Variants in ADD3 observed in about 807,000 individuals in gnomAD.
ADD3 encodes gamma-adducin.
Under a neutral mutation model 80.2 loss-of-function variants are expected in ADD3, and 25 were observed. That is an observed-to-expected ratio of 0.31 (90% CI 0.23 to 0.44). ADD3 has a LOEUF of 0.44. Among genes scored for constraint, ADD3 ranks in the 20% least tolerant of loss-of-function variants. The pLI is 1.00. For missense variants in ADD3, 829 were observed against 847.5 expected (o/e 0.98, Z 0.27); for synonymous variants, 284 against 289.6 (o/e 0.98, Z 0.20).
At chr10:110,099,660 C>T (rs1239998643) in intron 1 of ADD3, among the ~76,000 whole-genome samples, 2 of 152,184 alleles carry the variant, frequency 1.3e-5, no homozygotes, top group Non-Finnish European at 2.9e-5. Flanking sequence ...AGTGTTTCAT[C>T]TATTTGTGTC....
intron 5 of ADD3, among the ~76,000 whole-genome samples, chr10:110,117,753 C>T (rs1388433129): frequency 6.6e-6 from 1 of 151,648 alleles, no homozygotes; most frequent in Non-Finnish European, 1.5e-5. Context: ...CAGTGGCTCA[C>T]GCCTGTAATC....
chr10:110,017,506 C>CCCTT (rs1853143029), intron 1 of ADD3, among the ~76,000 whole-genome samples: 3 of 152,152 alleles, frequency 2.0e-5, no homozygotes, highest in Admixed American at 2.0e-4. Flanking sequence ...TTAAAATATA[C>CCCTT]CCTTCATGGG....
chr10:110,076,125 A>G (rs1048788922), intron 1 of ADD3, among the ~76,000 whole-genome samples: 14 of 152,200 alleles, frequency 9.2e-5, no homozygotes, highest in African/African-American at 2.2e-4. Context: ...AGTTTTTTAT[A>G]TGCTTATTTT....
chr10:110,097,381 T>G (rs1848294734), intron 1 of ADD3, among the ~76,000 whole-genome samples: 1 of 152,220 alleles, frequency 6.6e-6, no homozygotes, highest in Non-Finnish European at 1.5e-5. Flanking sequence ...AATATTTTCC[T>G]TTGACTGTGT....
rs1554926923 is a variant in ADD3, at chr10:110,063,737, T to TA, written c.-29-36888_-29-36887insA. Reference sequence around the variant, plus strand: ...TGATGAATATGAATATATATATTCATTATATATATATATATATATATATAT... The same window carrying TA: ...TGATGAATATGAATATATATATTCATATATATATATATATATATATATATAT... On this transcript the variant is annotated intron_variant, in intron 1 of 14. Coordinates refer to ENST00000356080, the MANE Select transcript of ADD3 (RefSeq NM_016824.5). Among the ~76,000 whole-genome samples the TA allele has an allele frequency of 3.4e-3, 217 of 64,660 alleles. 7 individuals carry two copies. Among genetic ancestry groups the TA allele is most frequent in the African/African-American group, 0.013 (206 of 16,424 alleles). The allele number at this position is 64,660 out of a possible 152,430, so 42.4% of individuals were successfully genotyped here. A position where few individuals can be genotyped will look rare whatever the true frequency, so the allele number is the denominator to read the frequency against.
At position 110,100,741 on chromosome 10, in the gene ADD3, G is replaced by A; in HGVS notation, c.88G>A (p.Glu30Lys). 6.2e-7 allele frequency: 1 copy of A among 1,613,986 alleles called. No individual in the cohort carries two copies. The highest frequency in any genetic ancestry group is 8.5e-7 in the Non-Finnish European group (1 of 1,179,960). The change falls in exon 2 of 15, where the codon GAA becomes AAA. Residue 30 changes from glutamate (E) to lysine (K), a missense_variant. Physicochemically the swap from Glu to Lys is moderately conservative, Grantham distance 56. Coordinates refer to ENST00000356080, the MANE Select transcript of ADD3 (RefSeq NM_016824.5). Reference sequence around the variant, plus strand: ...AGAGAGATATTTTGACCGCATCAATGAAAATGACCCAGAATACATTAGGGA... The same window carrying A: ...AGAGAGATATTTTGACCGCATCAATAAAAATGACCCAGAATACATTAGGGA... ...HKERYFDRIN[E>K]NDPEYIRERN...
chr10:110,002,378 A>G (rs1851503545), upstream of ADD3, among the ~76,000 whole-genome samples: 2 of 151,526 alleles, frequency 1.3e-5, no homozygotes, highest in Admixed American at 1.3e-4. Flanking sequence ...GGTTCACGCC[A>G]TTCTCCTGCC....
intron 1 of ADD3, among the ~76,000 whole-genome samples, chr10:110,063,730 ATATTCAT>A (rs1327424751): frequency 9.9e-5 from 9 of 90,542 alleles, no homozygotes; most frequent in Non-Finnish European, 2.1e-4. Context: ...ATGAATATAT[ATATTCAT>A]TATATATATA....
At chr10:110,118,498 A>G in intron 5 of ADD3, 89 bp from the exon 6 acceptor site, 2 of 1,163,088 alleles carry the variant, frequency 1.7e-6, no homozygotes, top group Non-Finnish European at 2.5e-6. Flanking sequence ...ACCTTTTACA[A>G]AAAGGTTTGC....
intron 9 of ADD3, 105 bp from the exon 10 acceptor site, chr10:110,123,912 T>C: frequency 8.3e-7 from 1 of 1,200,384 alleles, no homozygotes; most frequent in Non-Finnish European, 1.2e-6. Context: ...CTTTGTTTTT[T>C]AGCAAAGGAG....
chr10:110,073,143 T>TTTC (rs1844969932), intron 1 of ADD3, among the ~76,000 whole-genome samples: 1 of 138,062 alleles, frequency 7.2e-6, no homozygotes, highest in African/African-American at 3.1e-5. Flanking sequence ...GTTTTCTTTT[T>TTTC]TTTTTTTTTT....
Position 110,078,698 on chromosome 10 carries a change from C to T in ADD3, c.-29-21927C>T, listed in dbSNP as rs201489741. The stretch of plus-strand genomic sequence containing the variant: ...TTTGCATCATGACCCAATCATGACA[C>T]ACACGAACCACTTTACATCTCTGAA... On this transcript the variant is annotated intron_variant, in intron 1 of 14. Coordinates refer to ENST00000356080, the MANE Select transcript of ADD3 (RefSeq NM_016824.5). Among the ~76,000 whole-genome samples, 27 of 152,294 alleles carry T rather than the reference C, an allele frequency of 1.8e-4. No homozygotes were observed. The East Asian group carries it at 5.2e-3, about 29-fold the overall frequency.
intron 1 of ADD3, among the ~76,000 whole-genome samples, chr10:110,065,361 C>T (rs2133567523): frequency 6.6e-6 from 1 of 151,772 alleles, no homozygotes; most frequent in South Asian, 2.1e-4. Flanking sequence ...CAGTCTGTCC[C>T]TGGACCACTC....
rs184976127 is a variant in ADD3 at position 110,032,735 on chromosome 10, C to T, written c.-30+24436C>T. Among the ~76,000 whole-genome samples, 12 of 152,308 alleles carry T rather than the reference C, an allele frequency of 7.9e-5. 1 individual carries two copies. The highest frequency in any genetic ancestry group is 7.2e-4 in the Admixed American group (11 of 15,298). The stretch of plus-strand genomic sequence containing the variant: ...TAATCGCTATTCTATTAATACTTCT[C>T]TGGCTTTCCTTCCTGATTAAGATCA... On this transcript the variant is annotated intron_variant, in intron 1 of 14. Transcript: ENST00000356080.
At position 110,126,074 on chromosome 10, in the gene ADD3, A is replaced by G. The variant is rs903180870; in HGVS notation, c.1521+129A>G. On this transcript the variant is annotated intron_variant, in intron 11 of 14. Coordinates refer to ENST00000356080, the MANE Select transcript of ADD3 (RefSeq NM_016824.5). ...AGAAGAATTTGGAATTTAATTCAGT[A>G]TAATTTTAGCTTATATTGAATGCCT... 6 of 991,030 alleles carry G rather than the reference A, an allele frequency of 6.1e-6. No homozygotes were observed. In the South Asian group the frequency reaches 9.4e-5, roughly 15 times the overall value. 61.4% of individuals were successfully genotyped at this position (991,030 alleles called of 1,614,324 possible).
chr10:110,077,304 T>TC (rs11427439), intron 1 of ADD3, among the ~76,000 whole-genome samples: 36 of 152,240 alleles, frequency 2.4e-4, no homozygotes, highest in African/African-American at 8.7e-4. Context: ...CTTTTTTTTT[T>TC]CTTTCTCTTT....
At chr10:110,072,472 A>G (rs1369356830) in intron 1 of ADD3, among the ~76,000 whole-genome samples, 2 of 152,222 alleles carry the variant, frequency 1.3e-5, no homozygotes, top group Non-Finnish European at 2.9e-5. Flanking sequence ...CCCAGGGAAC[A>G]GACAGTTAGT....
intron 1 of ADD3, among the ~76,000 whole-genome samples, chr10:110,067,814 G>A (rs1188167006): frequency 6.6e-6 from 1 of 152,112 alleles, no homozygotes; most frequent in Non-Finnish European, 1.5e-5. Flanking sequence ...TCATTTTCAT[G>A]TATAAGGTAT....
intron 12 of ADD3, among the ~76,000 whole-genome samples, chr10:110,127,479 T>G (rs2134202685): frequency 6.6e-6 from 1 of 152,300 alleles, no homozygotes; most frequent in Admixed American, 6.5e-5. Context: ...TAGCTGTGCG[T>G]GGTGGCGTGC....
Sources: allele counts gnomAD v4.1 joint callset (sites outside exome capture counted in the v4.1 genomes callset), GRCh38; gene constraint gnomAD v4.1.1; transcripts MANE v1.5; gene names NCBI Gene and HGNC (gene_info 2026-07-23, HGNC 2026-07-21).